Variants in GLRA3 observed in about 807,000 individuals in gnomAD.
GLRA3 encodes glycine receptor subunit alpha-3.
In GLRA3, 44 loss-of-function variants were observed where a neutral mutation model predicts 60.4. That is an observed-to-expected ratio of 0.73 (90% CI 0.57 to 0.94). GLRA3 has a LOEUF of 0.94. Among genes scored for constraint, GLRA3 ranks in the 40% least tolerant of loss-of-function variants. The pLI is 0.00. For synonymous variants in GLRA3, 223 were observed against 192.9 expected (o/e 1.16, Z -1.29); for missense variants, 508 against 564.6 (o/e 0.90, Z 1.02).
chr4:174,790,891 C>A (rs2111310659), intron 1 of GLRA3, among the ~76,000 whole-genome samples: 1 of 146,774 alleles, frequency 6.8e-6, no homozygotes, highest in East Asian at 2.0e-4. Flanking sequence ...GTAGTCCCAG[C>A]TACTGGGAAG....
At chr4:174,694,218 C>T (rs1354775215) in intron 5 of GLRA3, among the ~76,000 whole-genome samples, 4 of 152,116 alleles carry the variant, frequency 2.6e-5, no homozygotes, top group Admixed American at 6.5e-5. Context: ...AATGTAAACT[C>T]GACATTGGAC....
chr4:174,652,581 C>CAA (rs34717786), intron 9 of GLRA3, among the ~76,000 whole-genome samples: 9 of 151,186 alleles, frequency 6.0e-5, no homozygotes, highest in African/African-American at 1.7e-4. Context: ...TTAAAACTGA[C>CAA]AAAAAAAAAT....
chr4:174,749,454 A>G (rs1377983413), intron 3 of GLRA3, among the ~76,000 whole-genome samples: 4 of 152,124 alleles, frequency 2.6e-5, no homozygotes, highest in African/African-American at 7.2e-5. Flanking sequence ...GCATATCTGA[A>G]TCCATTAAAT....
At position 174,757,978 on chromosome 4, in the gene GLRA3, G is replaced by T. The variant is rs527989353; in HGVS notation, c.267+8985C>A. On this transcript the variant is annotated intron_variant, in intron 3 of 9. Transcript: ENST00000274093. Reference sequence around the variant, plus strand: ...ATGAGTTGTCACTATATAAGTTCCCGCAAGAACTGCTTGTTAAAAAGAGTC... The same window carrying T: ...ATGAGTTGTCACTATATAAGTTCCCTCAAGAACTGCTTGTTAAAAAGAGTC... Among the ~76,000 whole-genome samples the T allele has an allele frequency of 4.7e-5, 7 of 150,316 alleles. No homozygotes were observed. The East Asian group carries it at 1.0e-3, about 22-fold the overall frequency.
At chr4:174,665,535 A>G (rs542524509) in intron 7 of GLRA3, among the ~76,000 whole-genome samples, 2 of 152,278 alleles carry the variant, frequency 1.3e-5, no homozygotes, top group South Asian at 4.1e-4. Flanking sequence ...AGTGCTTTCC[A>G]CTTTCCAAAA....
At chr4:174,676,323 A>T (rs1734115109) in intron 7 of GLRA3, among the ~76,000 whole-genome samples, 1 of 147,100 alleles carries the variant, frequency 6.8e-6, no homozygotes, top group East Asian at 1.9e-4. Context: ...AGGGAGAAAA[A>T]AACACAAAAA....
chr4:174,648,894 C>A (rs991552886), intron 9 of GLRA3, among the ~76,000 whole-genome samples: 17 of 152,104 alleles, frequency 1.1e-4, no homozygotes, highest in African/African-American at 4.1e-4. Context: ...TATTTCCCAG[C>A]AGATTATTGC....
chr4:174,776,819 G>C (rs917861909), intron 2 of GLRA3, among the ~76,000 whole-genome samples: 57 of 152,278 alleles, frequency 3.7e-4, no homozygotes, highest in African/African-American at 1.3e-3. Flanking sequence ...CACCTGCGTA[G>C]CAGCTTGTAA....
At chr4:174,660,770 C>T (rs1733403165) in intron 7 of GLRA3, among the ~76,000 whole-genome samples, 1 of 152,110 alleles carries the variant, frequency 6.6e-6, no homozygotes, top group African/African-American at 2.4e-5. Context: ...AAATTCCTGT[C>T]TTCTACATTT....
chr4:174,646,437 T>C (rs576681690), intron 9 of GLRA3, among the ~76,000 whole-genome samples: 123 of 152,314 alleles, frequency 8.1e-4, no homozygotes, highest in Non-Finnish European at 1.5e-3. Flanking sequence ...TAAAGCATCA[T>C]TTCCTTGAAA....
intron 3 of GLRA3, among the ~76,000 whole-genome samples, chr4:174,759,380 T>C (rs910176172): frequency 3.9e-5 from 6 of 152,084 alleles, no homozygotes; most frequent in Non-Finnish European, 8.8e-5. Context: ...GTATAAATAA[T>C]TAAATCTAAA....
chr4:174,682,137 T>C (rs994000847), intron 6 of GLRA3, among the ~76,000 whole-genome samples: 4 of 152,336 alleles, frequency 2.6e-5, no homozygotes, highest in Admixed American at 1.3e-4. Context: ...ATGGGCTGTT[T>C]AATGGCATTC....
At chr4:174,674,686 A>T (rs531775357) in intron 7 of GLRA3, among the ~76,000 whole-genome samples, 1 of 152,276 alleles carries the variant, frequency 6.6e-6, no homozygotes, top group South Asian at 2.1e-4. Flanking sequence ...TCACTGTCCT[A>T]TGTTTTATAG....
chr4:174,763,072 T>C (rs1182408898), intron 3 of GLRA3, among the ~76,000 whole-genome samples: 1 of 152,208 alleles, frequency 6.6e-6, no homozygotes, highest in Non-Finnish European at 1.5e-5. Flanking sequence ...GTTGTTGCTA[T>C]GTAATATTCC....
intron 5 of GLRA3, among the ~76,000 whole-genome samples, chr4:174,693,317 C>T (rs1734931441): frequency 6.6e-6 from 1 of 152,156 alleles, no homozygotes; most frequent in African/African-American, 2.4e-5. Flanking sequence ...TTTAATCCAT[C>T]TTGAGTTGAT....
At chr4:174,765,954 T>TTA (rs1201095046) in intron 3 of GLRA3, among the ~76,000 whole-genome samples, 2 of 149,244 alleles carry the variant, frequency 1.3e-5, no homozygotes, top group Non-Finnish European at 3.0e-5. Context: ...TTTTTTTTTT[T>TTA]AAATGATGCC....
rs758779867 is a variant in GLRA3, at chr4:174,728,627, G to A, written c.339C>T (p.Asp113=). Residue 113 remains aspartate, a synonymous_variant, in exon 4 of 10, where the codon GAC becomes GAT. Coordinates refer to ENST00000274093, the MANE Select transcript of GLRA3 (RefSeq NM_006529.4). The part of the protein sequence containing the change: ...DPRLAYSEYP[D]DSLDLDPSML... ...TGGAGGGGTCGAGGTCTAAAGAGTC[G>A]TCAGGATATTCACTGTACGCGAGGC... 1.9e-6 allele frequency: 3 copies of A among 1,611,852 alleles called. No individual in the cohort carries two copies. The highest frequency in any genetic ancestry group is 1.3e-5 in the African/African-American group (1 of 74,812).
chr4:174,743,730 T>C (rs1737117868), intron 3 of GLRA3, among the ~76,000 whole-genome samples: 1 of 152,224 alleles, frequency 6.6e-6, no homozygotes, highest in African/African-American at 2.4e-5. Flanking sequence ...TTATAACCCT[T>C]GCATCTTGGT....
At chr4:174,807,389 A>G (rs988989938) in intron 1 of GLRA3, among the ~76,000 whole-genome samples, 9 of 152,114 alleles carry the variant, frequency 5.9e-5, no homozygotes, top group African/African-American at 2.2e-4. Flanking sequence ...TTTCAAAGAC[A>G]ACAGGAAGGA....
Sources: allele counts gnomAD v4.1 joint callset (sites outside exome capture counted in the v4.1 genomes callset), GRCh38; gene constraint gnomAD v4.1.1; transcripts MANE v1.5; gene names NCBI Gene and HGNC (gene_info 2026-07-23, HGNC 2026-07-21).